The following SCO1 variants were observed in gnomAD, a reference collection of about 807,000 sequenced individuals.
The protein encoded by SCO1 is synthesis of cytochrome C oxidase 1, also known as cytochrome c oxidase assembly factor SCO1.
SCO1 carries 23 observed loss-of-function variants against 34.0 expected under a neutral mutation model. That is an observed-to-expected ratio of 0.68 (90% CI 0.49 to 0.96). SCO1 has a LOEUF of 0.96. Among genes scored for constraint, SCO1 ranks in the 40% least tolerant of loss-of-function variants. The pLI, the probability that SCO1 is intolerant of heterozygous loss-of-function variation, is 0.00. For synonymous variants in SCO1, 161 were observed against 145.5 expected (o/e 1.11, Z -0.77); for missense variants, 404 against 381.6 (o/e 1.06, Z -0.49).
rs1426565752 is a variant in SCO1, at chr17:10,680,851, G to C, written c.*268C>G. On this transcript the variant is annotated 3_prime_UTR_variant, in exon 6 of 6. Coordinates refer to ENST00000255390, the MANE Select transcript of SCO1 (RefSeq NM_004589.4). ...CTCGCCCCGCCATGTCCTTCCACAG[G>C]TGGGCTCTTCACTGGCTTCACTTCA... The C allele has an allele frequency of 1.9e-6, 1 of 513,492 alleles. No homozygotes were observed. Among genetic ancestry groups the C allele is most frequent in the Non-Finnish European group, 3.5e-6 (1 of 285,198 alleles). The allele number at this position is 513,492 out of a possible 1,614,324, so 31.8% of individuals were successfully genotyped here.
rs1440616663 is a variant in SCO1, at chr17:10,681,093, T to C, written c.*26A>G. The C allele has an allele frequency of 6.2e-7, 1 of 1,613,964 alleles. No homozygotes were observed. Among genetic ancestry groups the C allele is most frequent in the African/African-American group, 1.3e-5 (1 of 74,940 alleles). On this transcript the variant is annotated 3_prime_UTR_variant, in exon 6 of 6. Coordinates refer to ENST00000255390, the MANE Select transcript of SCO1 (RefSeq NM_004589.4). ...AGTTTCCTTCCTCTTAGCAAGAGAA[T>C]ACTGCATCCAGCAACACTGCTTTGG...
rs1217945241 is a variant in SCO1, at chr17:10,679,235, A to C, written c.*1884T>G. On this transcript the variant is annotated 3_prime_UTR_variant, in exon 6 of 6. Coordinates refer to ENST00000255390, the MANE Select transcript of SCO1 (RefSeq NM_004589.4). ...AGTGCTGGGATTACAGGCATAAGCC[A>C]CTGTGCCCAGCTAATCTATTATTTT... 3.3e-5 allele frequency: 5 copies of C among 152,404 alleles called. No homozygotes were observed. The East Asian group carries it at 9.6e-4, about 29-fold the overall frequency. 9.4% of individuals were successfully genotyped at this position (152,404 alleles called of 1,614,324 possible). A position where few individuals can be genotyped will look rare whatever the true frequency, so the allele number is the denominator to read the frequency against.
rs2074718426 is a variant in SCO1, at chr17:10,695,741, T to C, written c.364A>G (p.Lys122Glu). 1 of 1,600,730 alleles carries C rather than the reference T, an allele frequency of 6.2e-7. No individual in the cohort carries two copies. The highest frequency in any genetic ancestry group is 8.6e-7 in the Non-Finnish European group (1 of 1,168,038). ...MKHVKKEKAE[K>E]LEKERQRHIG... ...GCTGAGCAGATGATAATCTACTTAC[T>C]CTCTGCCTTTTCTTTCTTGACGTGC... The change falls in exon 2 of 6, where the codon AAG (lysine) becomes GAG (glutamate). Residue 122 changes from lysine (K) to glutamate (E), a missense_variant and splice_region_variant. Transcript: ENST00000255390.
chr17:10,686,119 G>A (rs1032732585), intron 5 of SCO1, among the ~76,000 whole-genome samples: 2 of 152,204 alleles, frequency 1.3e-5, no homozygotes, highest in Admixed American at 1.3e-4. Context: ...GCACATGCCT[G>A]TAATCCCAGC....
At chr17:10,695,853 A>C (rs1377249248) in intron 1 of SCO1, 22 bp from the exon 2 acceptor site, 8 of 1,576,462 alleles carry the variant, frequency 5.1e-6, no homozygotes, top group Non-Finnish European at 7.0e-6. Flanking sequence ...GGGATTTCAA[A>C]CATAAAAATT....
chr17:10,681,325 G>T, intron 5 of SCO1, 72 bp from the exon 6 acceptor site: 1 of 1,495,766 alleles, frequency 6.7e-7, no homozygotes, highest in Non-Finnish European at 9.3e-7. Context: ...AATGTATGCT[G>T]CAAGATAAGA....
rs987947041 is a variant in SCO1, at chr17:10,686,748, C to T, written c.750G>A (p.Lys250=). ...TCACTATGTAGTCTTCATCTTCGTC[C>T]TTGGGGCCAGGGCTGTAATACACTC... ...AYRVYYSPGP[K]DEDEDYIVDH... The change falls in exon 5 of 6, where the codon AAG becomes AAA. Residue 250 remains lysine, a synonymous_variant. Transcript: ENST00000255390. 5.6e-6 allele frequency: 9 copies of T among 1,612,342 alleles called. No individual in the cohort carries two copies. Among genetic ancestry groups the T allele is most frequent in the African/African-American group, 1.3e-5 (1 of 74,872 alleles).
rs1156815626 is a variant in SCO1 at position 10,686,806 on chromosome 17, CTCGTGCCAGTCAA to C, written c.679_691del (p.Leu227GlufsTer27). 6.2e-7 allele frequency: 1 copy of C among 1,614,026 alleles called. No homozygotes were observed. Reference sequence around the variant, plus strand: ...TCTGGCCACTTGATCGACCTCTTCTCTCGTGCCAGTCAAGCCAACCAGTTTGGGAGAAAATTCT... The same window carrying C: ...TCTGGCCACTTGATCGACCTCTTCTCGCCAACCAGTTTGGGAGAAAATTCT... On this transcript the variant is annotated frameshift_variant, in exon 5 of 6. Transcript: ENST00000255390. LOFTEE classifies it high-confidence loss of function.
intron 2 of SCO1, among the ~76,000 whole-genome samples, chr17:10,694,514 T>C (rs1331496851): frequency 2.6e-5 from 4 of 152,230 alleles, no homozygotes; most frequent in African/African-American, 9.6e-5. Flanking sequence ...GTCAATTTTC[T>C]AATTTTGATG....
chr17:10,676,646 T>C lies in SCO1; in HGVS notation c.*4473A>G, dbSNP rs1044150525. 2.0e-5 allele frequency: 3 copies of C among 152,208 alleles called. No homozygotes were observed. The highest frequency in any genetic ancestry group is 4.4e-5 in the Non-Finnish European group (3 of 68,038). The allele number at this position is 152,208 out of a possible 1,614,324, so 9.4% of individuals were successfully genotyped here. On this transcript the variant is annotated 3_prime_UTR_variant, in exon 6 of 6. Transcript: ENST00000255390. ...CCACATCAATGTTCTCATGAAATAG[T>C]GCACAGAGTCAGTGACTTTAAGGCC...
At chr17:10,690,604 T>C (rs1160320311) in intron 4 of SCO1, among the ~76,000 whole-genome samples, 3 of 152,192 alleles carry the variant, frequency 2.0e-5, no homozygotes, top group Admixed American at 6.5e-5. Context: ...TAAATTAGTA[T>C]AACCATTGTG....
chr17:10,696,803 T>A (rs1228704659), intron 1 of SCO1, among the ~76,000 whole-genome samples: 5 of 152,150 alleles, frequency 3.3e-5, no homozygotes, highest in African/African-American at 7.2e-5. Flanking sequence ...AAAAGGCAGA[T>A]CCACACATAA....
In SCO1 at chr17:10,677,621, A is replaced by C. The variant is rs2074590046; in HGVS notation, c.*3498T>G. 6.6e-6 allele frequency: 1 copy of C among 152,206 alleles called. No individual in the cohort carries two copies. Among genetic ancestry groups the C allele is most frequent in the African/African-American group, 2.4e-5 (1 of 41,436 alleles). The allele number at this position is 152,206 out of a possible 1,614,324, so 9.4% of individuals were successfully genotyped here. ...TCGCATATTTTACTGGTAGTCAGTAAATCTCACCTCTTACACTTAAGATAT... is the reference window on the plus strand; with the variant it reads ...TCGCATATTTTACTGGTAGTCAGTACATCTCACCTCTTACACTTAAGATAT... On this transcript the variant is annotated 3_prime_UTR_variant, in exon 6 of 6. Coordinates refer to ENST00000255390, the MANE Select transcript of SCO1 (RefSeq NM_004589.4).
intron 5 of SCO1, among the ~76,000 whole-genome samples, chr17:10,684,461 T>C (rs537504763): frequency 3.3e-5 from 5 of 152,364 alleles, no homozygotes; most frequent in African/African-American, 9.6e-5. Flanking sequence ...GGGTATGTGA[T>C]AGCAGTCTGA....
rs559812141 is a variant in SCO1, at chr17:10,694,516, A to G, written c.364+1225T>C. On this transcript the variant is annotated intron_variant, in intron 2 of 5. Transcript: ENST00000255390. ...CAAAATTATCAGCGTCAATTTTCTA[A>G]TTTTGATGGTTGTATTGTGGTTATG... 2.6e-5 allele frequency among the ~76,000 whole-genome samples: 4 copies of G among 152,314 alleles called. 1 individual carries two copies. The highest frequency in any genetic ancestry group is 9.6e-5 in the African/African-American group (4 of 41,582).
chr17:10,686,678 T>C (rs2074658511), intron 5 of SCO1, 49 bp downstream of exon 5: 1 of 1,095,804 alleles, frequency 9.1e-7, no homozygotes, highest in Non-Finnish European at 1.4e-6. Context: ...TTATGACTAT[T>C]TGGGATCTGG....
rs775021048 is a variant in SCO1, at chr17:10,676,527, CAATT to C, written c.*4588_*4591del. 9.2e-5 allele frequency: 14 copies of C among 152,096 alleles called. No homozygotes were observed. The highest frequency in any genetic ancestry group is 1.6e-4 in the Non-Finnish European group (11 of 68,026). The allele number at this position is 152,096 out of a possible 1,614,324, so 9.4% of individuals were successfully genotyped here. On this transcript the variant is annotated 3_prime_UTR_variant, in exon 6 of 6. Coordinates refer to ENST00000255390, the MANE Select transcript of SCO1 (RefSeq NM_004589.4). ...CACTGAAGCTTGCTGATGGGTACAT[CAATT>C]AGTTAACTATTCTACTTTTTGAATA...
At position 10,697,134 on chromosome 17, in the gene SCO1, G is replaced by A. The variant is rs1454345626; in HGVS notation, c.273+101C>T. On this transcript the variant is annotated intron_variant, in intron 1 of 5. Transcript: ENST00000255390. Reference sequence around the variant, plus strand: ...CGCGCAAGCTAAGGACAACTTTAGGGGAGGCGGAGTAGTGTCTGAGGTTAC... The same window carrying A: ...CGCGCAAGCTAAGGACAACTTTAGGAGAGGCGGAGTAGTGTCTGAGGTTAC... The A allele has an allele frequency of 2.6e-6, 3 of 1,150,122 alleles. No homozygotes were observed. In the East Asian group the frequency reaches 7.8e-5, roughly 30 times the overall value. The allele number at this position is 1,150,122 out of a possible 1,614,324, so 71.2% of individuals were successfully genotyped here. A position where few individuals can be genotyped will look rare whatever the true frequency, so the allele number is the denominator to read the frequency against.
At chr17:10,686,546 C>T (rs565610626) in intron 5 of SCO1, among the ~76,000 whole-genome samples, 181 bp downstream of exon 5, 1 of 148,446 alleles carries the variant, frequency 6.7e-6, no homozygotes, top group East Asian at 2.0e-4. Flanking sequence ...TGTGCCACTG[C>T]ACTCCAGCCT....
Sources: allele counts gnomAD v4.1 joint callset (sites outside exome capture counted in the v4.1 genomes callset), GRCh38; gene constraint gnomAD v4.1.1; transcripts MANE v1.5; gene names NCBI Gene and HGNC (gene_info 2026-07-23, HGNC 2026-07-21).